Variants in DCLK2 observed in about 807,000 individuals in gnomAD.
The protein encoded by DCLK2 is serine/threonine-protein kinase DCLK2.
Under a neutral mutation model 78.4 loss-of-function variants are expected in DCLK2, and 31 were observed. The observed-to-expected ratio is 0.40, with a 90% CI of 0.30 to 0.53. The LOEUF (loss-of-function observed/expected upper bound fraction) is 0.53, where lower values mean the gene tolerates loss of function less well. Among genes scored for constraint, DCLK2 ranks in the 20% least tolerant of loss-of-function variants. The probability of loss-of-function intolerance (pLI) is 0.61; values close to 1 mark genes in which losing one functional copy is unlikely to be tolerated. For synonymous variants in DCLK2, 407 were observed against 374.9 expected, an observed-to-expected ratio of 1.09 and a Z score of -0.99; for missense variants, 872 against 973.7, an observed-to-expected ratio of 0.90 and a Z score of 1.39.
At chr4:150,152,849 T>G (rs1179855910) in intron 2 of DCLK2, among the ~76,000 whole-genome samples, 3 of 152,192 alleles carry the variant, frequency 2.0e-5, no homozygotes, top group African/African-American at 7.2e-5. Flanking sequence ...AAATGGTGCT[T>G]TAAGTGGAAT....
intron 5 of DCLK2, among the ~76,000 whole-genome samples, chr4:150,207,100 G>T (rs745409268): frequency 6.6e-6 from 1 of 152,096 alleles, no homozygotes; most frequent in East Asian, 1.9e-4. Context: ...ATTGTTTTTC[G>T]TGGGCAGGAA....
intron 6 of DCLK2, among the ~76,000 whole-genome samples, chr4:150,221,408 T>C (rs1741180228): frequency 6.6e-6 from 1 of 152,064 alleles, no homozygotes; most frequent in Non-Finnish European, 1.5e-5. Context: ...TAGTGAAATA[T>C]CCTTTTTACC....
chr4:150,131,512 A>G (rs1733312181), intron 2 of DCLK2, among the ~76,000 whole-genome samples: 1 of 152,160 alleles, frequency 6.6e-6, no homozygotes, highest in South Asian at 2.1e-4. Context: ...ACGAAGAACT[A>G]CATTGTGACT....
At chr4:150,132,101 G>A (rs531072800) in intron 2 of DCLK2, among the ~76,000 whole-genome samples, 13 of 151,794 alleles carry the variant, frequency 8.6e-5, no homozygotes, top group African/African-American at 2.9e-4. Flanking sequence ...AGGCATAGAA[G>A]GGCTGCCTTG....
intron 1 of DCLK2, among the ~76,000 whole-genome samples, chr4:150,093,899 TAAACTC>T (rs1730277047): frequency 6.6e-6 from 1 of 151,932 alleles, no homozygotes; most frequent in Non-Finnish European, 1.5e-5. Context: ...AGCTTAGAAA[TAAACTC>T]AAATATGTAT....
intron 2 of DCLK2, among the ~76,000 whole-genome samples, chr4:150,134,229 C>T (rs962808510): frequency 6.6e-5 from 10 of 151,606 alleles, no homozygotes; most frequent in African/African-American, 1.7e-4. Flanking sequence ...TACAGGCACC[C>T]GCCACTACGC....
At chr4:150,194,482 A>ACTTTTGCCC (rs1560855622) in intron 3 of DCLK2, among the ~76,000 whole-genome samples, 1 of 152,026 alleles carries the variant, frequency 6.6e-6, no homozygotes, top group Admixed American at 6.5e-5. Flanking sequence ...AACTTTTGCC[A>ACTTTTGCCC]ATATATGGCA....
intron 2 of DCLK2, among the ~76,000 whole-genome samples, chr4:150,112,695 A>G (rs1011576058): frequency 4.6e-5 from 7 of 150,986 alleles, no homozygotes; most frequent in South Asian, 2.1e-4. Flanking sequence ...TGAGATGCTC[A>G]TATTTTTTTT....
At chr4:150,080,040 C>T (rs1221434573) in intron 1 of DCLK2, among the ~76,000 whole-genome samples, 3 of 151,926 alleles carry the variant, frequency 2.0e-5, no homozygotes, top group Admixed American at 1.3e-4. Context: ...GACCCTGATC[C>T]CCCAACCCCC....
chr4:150,241,210 G>A (rs1206307540), intron 12 of DCLK2, among the ~76,000 whole-genome samples: 2 of 152,170 alleles, frequency 1.3e-5, no homozygotes, highest in African/African-American at 2.4e-5. Context: ...AACACTTGTG[G>A]TATAAATAGG....
At position 150,232,861 on chromosome 4, in the gene DCLK2, A is replaced by G. The variant is rs564909399; in HGVS notation, c.1566+33A>G. The G allele has an allele frequency of 1.2e-5, 20 of 1,600,896 alleles. No homozygotes were observed. In the African/African-American group the frequency reaches 2.4e-4, roughly 19 times the overall value. On this transcript the variant is annotated intron_variant, in intron 10 of 15. Transcript: ENST00000296550. ...ATCCCTGCTTTTTCTGTTCCAATGAATGCCTCTCTTCCTTTAAAAGGAGCA... is the reference window on the plus strand; with the variant it reads ...ATCCCTGCTTTTTCTGTTCCAATGAGTGCCTCTCTTCCTTTAAAAGGAGCA...
chr4:150,097,935 T>C (rs769542776), intron 1 of DCLK2, among the ~76,000 whole-genome samples: 57 of 152,202 alleles, frequency 3.7e-4, no homozygotes, highest in Admixed American at 6.5e-4. Context: ...CTAAATTCCC[T>C]TTAGCCAAAG....
At chr4:150,192,033 G>A (rs377178104) in intron 2 of DCLK2, among the ~76,000 whole-genome samples, 2 of 152,232 alleles carry the variant, frequency 1.3e-5, no homozygotes, top group East Asian at 3.9e-4. Flanking sequence ...ATTGAAAACT[G>A]GTGAAAATAA....
At chr4:150,226,296 C>T (rs80210238) in intron 8 of DCLK2, among the ~76,000 whole-genome samples, 3,395 of 151,470 alleles carry the variant, frequency 0.022, 131 homozygotes, top group African/African-American at 0.078. Flanking sequence ...GCAAAATGCC[C>T]CTTTTCCTTT....
chr4:150,224,698 T>C, intron 8 of DCLK2, 140 bp downstream of exon 8: 1 of 576,008 alleles, frequency 1.7e-6, no homozygotes, highest in Non-Finnish European at 2.9e-6. Flanking sequence ...GAAAAACAGT[T>C]AAGCGGTTTT....
intron 2 of DCLK2, among the ~76,000 whole-genome samples, chr4:150,163,925 A>G (rs2150247837): frequency 6.6e-6 from 1 of 152,202 alleles, no homozygotes; most frequent in South Asian, 2.1e-4. Flanking sequence ...GACAGTACCA[A>G]CCCTTTGCAA....
At chr4:150,253,646 G>A (rs1280340564) in intron 15 of DCLK2, 15 of 1,270,078 alleles carry the variant, frequency 1.2e-5, no homozygotes, top group Admixed American at 4.8e-5. Flanking sequence ...GCCGCCGTCC[G>A]GCTCTCAGCT....
At chr4:150,140,429 C>T (rs1194568881) in intron 2 of DCLK2, among the ~76,000 whole-genome samples, 1 of 152,178 alleles carries the variant, frequency 6.6e-6, no homozygotes, top group Non-Finnish European at 1.5e-5. Context: ...AGTGACAATA[C>T]CAGCAAAGGG....
intron 4 of DCLK2, chr4:150,199,169 G>C (rs1580703582): frequency 8.4e-7 from 1 of 1,185,054 alleles, no homozygotes; most frequent in Admixed American, 2.0e-5. Context: ...CCATTTCCAT[G>C]AATGTATCTG....
Sources: allele counts gnomAD v4.1 joint callset (sites outside exome capture counted in the v4.1 genomes callset), GRCh38; gene constraint gnomAD v4.1.1; transcripts MANE v1.5; gene names NCBI Gene and HGNC (gene_info 2026-07-23, HGNC 2026-07-21).